Variants in ROBO2 observed in about 807,000 individuals in gnomAD.
ROBO2 encodes roundabout guidance receptor 2.
ROBO2 carries 53 observed loss-of-function variants against 160.8 expected under a neutral mutation model. The observed-to-expected ratio is 0.33, with a 90% confidence interval of 0.26 to 0.41. The LOEUF (loss-of-function observed/expected upper bound fraction) is 0.41. Ranked by LOEUF, ROBO2 falls within the 10% of genes least tolerant of loss-of-function variation. ROBO2 has a pLI of 1.00. For synonymous variants in ROBO2, 664 were observed against 611.7 expected, an observed-to-expected ratio of 1.09 and a Z score of -1.26; for missense variants, 1,577 against 1,722.4, an observed-to-expected ratio of 0.92 and a Z score of 1.49.
chr3:76,445,584 G>A (rs910053715), intron 2 of ROBO2, among the ~76,000 whole-genome samples: 3 of 151,816 alleles, frequency 2.0e-5, no homozygotes, highest in East Asian at 1.9e-4. Context: ...GAGACACAAC[G>A]AAAAAAGAGA....
At chr3:76,167,496 C>T (rs1042713194) in intron 2 of ROBO2, among the ~76,000 whole-genome samples, 12 of 152,100 alleles carry the variant, frequency 7.9e-5, no homozygotes, top group Admixed American at 4.6e-4. Context: ...TCTTGTGCAT[C>T]CTTCTATTAT....
At chr3:77,506,625 C>T (rs948720666) in intron 5 of ROBO2, among the ~76,000 whole-genome samples, 20 of 151,794 alleles carry the variant, frequency 1.3e-4, no homozygotes, top group East Asian at 3.9e-4. Context: ...ACCAAGAATG[C>T]GGCTAAACGT....
At chr3:77,379,185 A>T (rs972083889) in intron 2 of ROBO2, among the ~76,000 whole-genome samples, 2 of 152,224 alleles carry the variant, frequency 1.3e-5, no homozygotes, top group Middle Eastern at 3.4e-3. Context: ...TGACCTAGTG[A>T]TCCACCTGCC....
chr3:77,546,315 C>T, intron 6 of ROBO2, 23 bp from the exon 8 acceptor site: 1 of 1,612,088 alleles, frequency 6.2e-7, no homozygotes, highest in Non-Finnish European at 8.5e-7. Context: ...TATTTACACG[C>T]TTTCTTTTCT....
At chr3:77,184,279 A>G (rs1453026784) in intron 2 of ROBO2, among the ~76,000 whole-genome samples, 1 of 152,070 alleles carries the variant, frequency 6.6e-6, no homozygotes, top group Non-Finnish European at 1.5e-5. Context: ...CAAAAATGCA[A>G]AACTAGAAAT....
At chr3:76,380,326 C>A (rs1186763050) in intron 2 of ROBO2, among the ~76,000 whole-genome samples, 1 of 152,072 alleles carries the variant, frequency 6.6e-6, no homozygotes, top group Admixed American at 6.5e-5. Flanking sequence ...TGAAAAAGTA[C>A]TTGCAAAGTA....
intron 2 of ROBO2, among the ~76,000 whole-genome samples, chr3:76,622,713 C>G (rs1189231047): frequency 6.6e-6 from 1 of 152,186 alleles, no homozygotes; most frequent in Non-Finnish European, 1.5e-5. Flanking sequence ...TTCCAAACCT[C>G]TGAGAACTTG....
chr3:77,293,064 C>G (rs2061511503), intron 2 of ROBO2, among the ~76,000 whole-genome samples: 1 of 150,034 alleles, frequency 6.7e-6, no homozygotes, highest in Middle Eastern at 3.4e-3. Context: ...TAAGCTGAGG[C>G]TAGAGCACTA....
intron 2 of ROBO2, among the ~76,000 whole-genome samples, chr3:76,283,590 G>C (rs2107677640): frequency 6.6e-6 from 1 of 152,034 alleles, no homozygotes; most frequent in African/African-American, 2.4e-5. Context: ...TTTTAAAAGA[G>C]TGAATTTCTA....
intron 2 of ROBO2, among the ~76,000 whole-genome samples, chr3:76,301,960 G>A (rs907011733): frequency 6.6e-6 from 1 of 151,996 alleles, no homozygotes; most frequent in Non-Finnish European, 1.5e-5. Flanking sequence ...TGCTTTTCTT[G>A]TAAATGGAGG....
chr3:76,252,419 C>T (rs1706063417), intron 2 of ROBO2, among the ~76,000 whole-genome samples: 1 of 152,076 alleles, frequency 6.6e-6, no homozygotes, highest in Non-Finnish European at 1.5e-5. Flanking sequence ...TCTAGGGAGA[C>T]AGCCACCACT....
intron 2 of ROBO2, among the ~76,000 whole-genome samples, chr3:77,287,567 C>T (rs2060695871): frequency 6.6e-6 from 1 of 152,134 alleles, no homozygotes; most frequent in South Asian, 2.1e-4. Context: ...CGTTAAAACT[C>T]AATTGTTCAT....
At chr3:76,859,105 G>A (rs538118569) in intron 2 of ROBO2, among the ~76,000 whole-genome samples, 2 of 152,270 alleles carry the variant, frequency 1.3e-5, no homozygotes, top group African/African-American at 2.4e-5. Context: ...GGCATCACTT[G>A]CATAAACATG....
chr3:77,566,039 TAA>T (rs2093469430), intron 12 of ROBO2, among the ~76,000 whole-genome samples: 1 of 152,092 alleles, frequency 6.6e-6, no homozygotes, highest in South Asian at 2.1e-4. Context: ...TTCTTATTTG[TAA>T]AAGACTTTGA....
At chr3:77,065,181 A>G (rs9852474) in intron 1 of ROBO2, among the ~76,000 whole-genome samples, 5,540 of 152,258 alleles carry the variant, frequency 0.036, 345 homozygotes, top group African/African-American at 0.13. Flanking sequence ...AGGAGCTTCA[A>G]GCACTTGGCA....
intron 2 of ROBO2, among the ~76,000 whole-genome samples, chr3:76,320,531 T>A (rs1252850389): frequency 1.3e-5 from 2 of 152,304 alleles, no homozygotes; most frequent in East Asian, 3.9e-4. Flanking sequence ...GTTATCAAGC[T>A]GGGCAAAGTC....
chr3:77,566,201 G>A (rs1290385557), intron 12 of ROBO2, among the ~76,000 whole-genome samples: 2 of 151,992 alleles, frequency 1.3e-5, no homozygotes, highest in African/African-American at 4.8e-5. Context: ...CTGAAATAAA[G>A]TCACCACGTG....
chr3:76,263,161 T>C (rs1042390648), intron 2 of ROBO2, among the ~76,000 whole-genome samples: 7 of 152,098 alleles, frequency 4.6e-5, no homozygotes, highest in African/African-American at 1.4e-4. Context: ...AAGTGCTTGC[T>C]TCTCCTCTTT....
intron 2 of ROBO2, among the ~76,000 whole-genome samples, chr3:76,219,164 A>C (rs1176796591): frequency 6.6e-6 from 1 of 152,194 alleles, no homozygotes; most frequent in East Asian, 1.9e-4. Context: ...AAATTAATTC[A>C]AGATGGATTA....
Sources: allele counts gnomAD v4.1 joint callset (sites outside exome capture counted in the v4.1 genomes callset), GRCh38; gene constraint gnomAD v4.1.1; transcripts MANE v1.5; gene names NCBI Gene and HGNC (gene_info 2026-07-23, HGNC 2026-07-21).